Variants in NRG1 observed in about 807,000 individuals in gnomAD.
The protein encoded by NRG1 is pro-neuregulin-1, membrane-bound isoform.
A neutral mutation model predicts 63.8 loss-of-function variants in NRG1; 18 were observed. The observed-to-expected ratio is 0.28, with a 90% confidence interval of 0.19 to 0.42. The LOEUF is 0.42. NRG1 is among the 10% of genes least tolerant of loss of function. The probability of loss-of-function intolerance (pLI) is 1.00; values close to 1 mark genes in which losing one functional copy is unlikely to be tolerated. For missense variants in NRG1, 762 were observed against 814.7 expected, an observed-to-expected ratio of 0.94 and a Z score of 0.79; for synonymous variants, 302 against 301.3, an observed-to-expected ratio of 1.00 and a Z score of -0.02.
At chr8:31,717,336 G>T (rs1055053685) in intron 1 of NRG1, among the ~76,000 whole-genome samples, 1 of 151,282 alleles carries the variant, frequency 6.6e-6, no homozygotes, top group Non-Finnish European at 1.5e-5. Flanking sequence ...GAACCCAGGA[G>T]GTGGTGGCTG....
intron 1 of NRG1, among the ~76,000 whole-genome samples, chr8:31,645,115 A>G (rs927060530): frequency 3.3e-5 from 5 of 152,206 alleles, no homozygotes; most frequent in Non-Finnish European, 7.4e-5. Context: ...CAATATATGA[A>G]TACTCTAAAT....
intron 1 of NRG1, among the ~76,000 whole-genome samples, chr8:31,924,665 T>C (rs1050721915): frequency 2.6e-5 from 4 of 151,914 alleles, no homozygotes; most frequent in Admixed American, 2.0e-4. Flanking sequence ...GGGTTTGATT[T>C]TTCTTTTTTG....
At chr8:31,771,372 T>A (rs932105128) in intron 1 of NRG1, among the ~76,000 whole-genome samples, 1 of 152,228 alleles carries the variant, frequency 6.6e-6, no homozygotes, top group East Asian at 1.9e-4. Context: ...TATCCATTCA[T>A]GTGTGTTGAA....
exon 1 of NRG1, chr8:32,548,637 G>C: frequency 6.8e-7 from 1 of 1,463,122 alleles, no homozygotes; most frequent in Non-Finnish European, 9.0e-7. Context: ...CCCCTCGAGG[G>C]ACAAACTTTT....
At chr8:32,110,859 C>G (rs1831923493) in intron 1 of NRG1, among the ~76,000 whole-genome samples, 1 of 152,154 alleles carries the variant, frequency 6.6e-6, no homozygotes, top group African/African-American at 2.4e-5. Context: ...GTTTCCCAAA[C>G]TTGCCTGATT....
chr8:32,747,732 G>GTGTGTATATA (rs1264111970), intron 7 of NRG1, among the ~76,000 whole-genome samples: 1 of 132,120 alleles, frequency 7.6e-6, no homozygotes, highest in South Asian at 2.4e-4. Flanking sequence ...ATGTGTGTGT[G>GTGTGTATATA]TATATATATA....
intron 1 of NRG1, among the ~76,000 whole-genome samples, chr8:32,434,823 C>G (rs1357005658): frequency 6.6e-6 from 1 of 151,520 alleles, no homozygotes; most frequent in African/African-American, 2.4e-5. Context: ...TAAAATAATA[C>G]AAATAAAAAC....
intron 1 of NRG1, among the ~76,000 whole-genome samples, chr8:32,351,948 A>G (rs1586985334): frequency 6.6e-6 from 1 of 152,004 alleles, no homozygotes; most frequent in East Asian, 1.9e-4. Context: ...CACTCTTAGG[A>G]CTGCCATTAA....
chr8:32,736,306 CT>C (rs762634637), intron 6 of NRG1, among the ~76,000 whole-genome samples: 1 of 152,160 alleles, frequency 6.6e-6, no homozygotes, highest in Non-Finnish European at 1.5e-5. Context: ...AAAGAATAAT[CT>C]ACAACACAGA....
chr8:32,359,231 T>G (rs1806890155), intron 1 of NRG1, among the ~76,000 whole-genome samples: 2 of 152,200 alleles, frequency 1.3e-5, no homozygotes, highest in African/African-American at 4.8e-5. Context: ...GATTTTTAAT[T>G]AGATAAGGAA....
chr8:32,037,934 G>A (rs1232396447), intron 1 of NRG1, among the ~76,000 whole-genome samples: 9 of 152,244 alleles, frequency 5.9e-5, no homozygotes, highest in Non-Finnish European at 1.0e-4. Context: ...GAGCAGGGCC[G>A]CTGAGCAAGG....
chr8:32,459,028 A>G (rs1043417853), intron 1 of NRG1, among the ~76,000 whole-genome samples: 2 of 152,160 alleles, frequency 1.3e-5, no homozygotes. Flanking sequence ...TACCATACAT[A>G]TACTGATGAC....
chr8:32,581,521 G>A (rs964898720), intron 1 of NRG1, among the ~76,000 whole-genome samples: 5 of 152,058 alleles, frequency 3.3e-5, no homozygotes, highest in Non-Finnish European at 5.9e-5. Context: ...TAGTTATTAG[G>A]ATAAAAGATG....
chr8:31,864,206 T>C (rs1828735584), intron 1 of NRG1, among the ~76,000 whole-genome samples: 1 of 152,170 alleles, frequency 6.6e-6, no homozygotes, highest in Admixed American at 6.5e-5. Flanking sequence ...ACACATTGCA[T>C]TGAGCATCCA....
At chr8:31,682,911 G>T (rs1808487983) in intron 1 of NRG1, among the ~76,000 whole-genome samples, 1 of 152,106 alleles carries the variant, frequency 6.6e-6, no homozygotes, top group African/African-American at 2.4e-5. Flanking sequence ...TTATCTCAGG[G>T]GAACCCCCAC....
chr8:32,268,674 T>G (rs1378971055), intron 1 of NRG1, among the ~76,000 whole-genome samples: 4 of 152,158 alleles, frequency 2.6e-5, no homozygotes, highest in African/African-American at 9.7e-5. Flanking sequence ...ACAAAAACAT[T>G]GTCTCTATGA....
intron 1 of NRG1, among the ~76,000 whole-genome samples, chr8:32,366,677 G>GTGTGTGTATATATA (rs1164696498): frequency 2.3e-5 from 2 of 87,516 alleles, no homozygotes; most frequent in Non-Finnish European, 4.5e-5. Context: ...GTGTGTGTGT[G>GTGTGTGTATATATA]TATATATATA....
chr8:31,712,255 C>CT (rs57363109), intron 1 of NRG1, among the ~76,000 whole-genome samples: 4 of 72,352 alleles, frequency 5.5e-5, no homozygotes, highest in African/African-American at 2.3e-4. Context: ...TCTTCATGAT[C>CT]TTTTTTTTTT....
chr8:32,090,710 A>G (rs1829004009), intron 1 of NRG1, among the ~76,000 whole-genome samples: 1 of 152,108 alleles, frequency 6.6e-6, no homozygotes. Flanking sequence ...TTCTGAGCCA[A>G]CTCCTTCCTT....
Sources: allele counts gnomAD v4.1 joint callset (sites outside exome capture counted in the v4.1 genomes callset), GRCh38; gene constraint gnomAD v4.1.1; transcripts MANE v1.5; gene names NCBI Gene and HGNC (gene_info 2026-07-23, HGNC 2026-07-21).